The following TJP2 variants were observed in gnomAD, a reference collection of about 807,000 sequenced individuals.
TJP2 encodes Friedreich ataxia region gene X104 (tight junction protein ZO-2).
In TJP2, 91 loss-of-function variants were observed where a neutral mutation model predicts 133.1. That is an observed-to-expected ratio of 0.68 (90% CI 0.58 to 0.81). The LOEUF is 0.81. Among genes scored for constraint, TJP2 ranks in the 40% least tolerant of loss-of-function variants. The pLI, the probability that TJP2 is intolerant of heterozygous loss-of-function variation, is 0.00. For missense variants in TJP2, 1,541 were observed against 1,565.6 expected (o/e 0.98, Z 0.26); for synonymous variants, 592 against 583.4 (o/e 1.01, Z -0.21).
Position 69,254,804 on chromosome 9 carries a change from A to C in TJP2, c.*430A>C, listed in dbSNP as rs1302790750. On this transcript the variant is annotated 3_prime_UTR_variant, in exon 23 of 23. Transcript: ENST00000377245. ...GTTGGGCTCAAACTAAATTCAAAGA[A>C]GTACTTTATTGCAACTCTTTTAAGT... The C allele has an allele frequency of 6.3e-6, 3 of 475,168 alleles. No homozygotes were observed. Among genetic ancestry groups the C allele is most frequent in the Non-Finnish European group, 1.1e-5 (3 of 272,214 alleles). 29.4% of individuals were successfully genotyped at this position (475,168 alleles called of 1,614,324 possible).
chr9:69,206,114 T>C (rs918722392), intron 1 of TJP2, among the ~76,000 whole-genome samples: 2 of 152,226 alleles, frequency 1.3e-5, no homozygotes, highest in African/African-American at 4.8e-5. Flanking sequence ...CTTTTAACTT[T>C]CCATGAGGTC....
intron 1 of TJP2, among the ~76,000 whole-genome samples, chr9:69,200,121 C>G (rs1028593848): frequency 6.6e-6 from 1 of 152,174 alleles, no homozygotes; most frequent in Non-Finnish European, 1.5e-5. Context: ...AACGTGAAAT[C>G]CTGTGTGTGT....
intron 11 of TJP2, among the ~76,000 whole-genome samples, chr9:69,231,471 TTGTTAA>T (rs1829779967): frequency 3.3e-5 from 5 of 150,724 alleles, no homozygotes; most frequent in Admixed American, 2.7e-4. Context: ...TTTTTTTTTC[TTGTTAA>T]TGTTAGTAAA....
chr9:69,246,704 A>C lies in TJP2; in HGVS notation c.2581A>C (p.Asn861His), dbSNP rs762420929. The change falls in exon 18 of 23, where the codon AAT (asparagine) becomes CAT (histidine). Residue 861 changes from asparagine to histidine, a missense_variant. Transcript: ENST00000377245. Reference sequence around the variant, plus strand: ...TATTTCTATAGCTACAATCAACCTAAATTCAGCCAATGATAGCTGGTTTGG... The same window carrying C: ...TATTTCTATAGCTACAATCAACCTACATTCAGCCAATGATAGCTGGTTTGG... Reference protein sequence around the residue: ...AHLFTATINLNSANDSWFGSL... With the variant: ...AHLFTATINLHSANDSWFGSL... The C allele has an allele frequency of 6.2e-7, 1 of 1,614,090 alleles. No homozygotes were observed. The highest frequency in any genetic ancestry group is 1.1e-5 in the South Asian group (1 of 91,082).
intron 1 of TJP2, among the ~76,000 whole-genome samples, chr9:69,128,038 A>G (rs11145378): frequency 0.33 from 24,332 of 74,118 alleles, 10,462 homozygotes; most frequent in Non-Finnish European, 0.38. Flanking sequence ...TCGGCCTCCC[A>G]AAGTGCTAAG....
chr9:69,150,932 A>T (rs1823443439), intron 1 of TJP2, among the ~76,000 whole-genome samples: 1 of 152,220 alleles, frequency 6.6e-6, no homozygotes, highest in Non-Finnish European at 1.5e-5. Context: ...TGGCCATAAA[A>T]AGGAATGAAG....
chr9:69,198,735 A>G (rs2133107945), intron 1 of TJP2, among the ~76,000 whole-genome samples: 1 of 152,328 alleles, frequency 6.6e-6, no homozygotes, highest in Non-Finnish European at 1.5e-5. Context: ...GTGCATTGTG[A>G]AGGGAGGGTA....
rs769713599 is a variant in TJP2 at position 69,212,598 on chromosome 9, A to G, written c.111A>G (p.Gln37=). ...GGGAACAGTACACTGTGACCCTACA[A>G]AAGGTGAGTTCTGCACATTTCATAT... ...LIWEQYTVTL[Q]KDSKRGFGIA... Residue 37 remains glutamine, a synonymous_variant, in exon 2 of 23, where the codon CAA becomes CAG. Coordinates refer to ENST00000377245, the MANE Select transcript of TJP2 (RefSeq NM_004817.4). 3.4e-5 allele frequency: 54 copies of G among 1,610,554 alleles called. No homozygotes were observed. Among genetic ancestry groups the G allele is most frequent in the Non-Finnish European group, 4.2e-5 (50 of 1,176,968 alleles).
chr9:69,223,279 G>A (rs1238136416), intron 5 of TJP2, among the ~76,000 whole-genome samples: 1 of 124,494 alleles, frequency 8.0e-6, no homozygotes, highest in East Asian at 2.6e-4. Context: ...TGTGTTAGGA[G>A]GCTTCGTTTC....
intron 1 of TJP2, among the ~76,000 whole-genome samples, chr9:69,132,366 G>C (rs1479995378): frequency 6.6e-6 from 1 of 152,224 alleles, no homozygotes; most frequent in African/African-American, 2.4e-5. Flanking sequence ...ATAACAGTCA[G>C]GCTTGCTATG....
At position 69,254,568 on chromosome 9, in the gene TJP2, T is replaced by G. The variant is rs1198591874; in HGVS notation, c.*194T>G. On this transcript the variant is annotated 3_prime_UTR_variant, in exon 23 of 23. Transcript: ENST00000377245. ...GAACTGAGGGCTCTGTTTGTGGGACTGGGTTAGAGGAGTCTGTGGCTTTTT... is the reference window on the plus strand; with the variant it reads ...GAACTGAGGGCTCTGTTTGTGGGACGGGGTTAGAGGAGTCTGTGGCTTTTT... 4.3e-6 allele frequency: 3 copies of G among 699,552 alleles called. No individual in the cohort carries two copies. The highest frequency in any genetic ancestry group is 2.7e-5 in the East Asian group (1 of 36,928). 43.3% of individuals were successfully genotyped at this position (699,552 alleles called of 1,614,324 possible).
At chr9:69,181,896 G>A (rs539514906) in intron 1 of TJP2, among the ~76,000 whole-genome samples, 1 of 152,234 alleles carries the variant, frequency 6.6e-6, no homozygotes, top group South Asian at 2.1e-4. Flanking sequence ...ACGTGTGCTG[G>A]ATTCTCTTCC....
chr9:69,134,057 C>T (rs73447189), intron 1 of TJP2, among the ~76,000 whole-genome samples: 3 of 152,116 alleles, frequency 2.0e-5, no homozygotes, highest in South Asian at 2.1e-4. Flanking sequence ...CACTCACATC[C>T]GTATTACAGC....
chr9:69,254,439 C>T lies in TJP2; in HGVS notation c.*65C>T, dbSNP rs780244181. 36 of 1,601,208 alleles carry T rather than the reference C, an allele frequency of 2.2e-5. No individual in the cohort carries two copies. Among genetic ancestry groups the T allele is most frequent in the African/African-American group, 9.4e-5 (7 of 74,670 alleles). On this transcript the variant is annotated 3_prime_UTR_variant, in exon 23 of 23. Coordinates refer to ENST00000377245, the MANE Select transcript of TJP2 (RefSeq NM_004817.4). ...ATCAGACTAGCCACTCCTGCCAGGC[C>T]GCCGGGATGGTTCTTCTCCAGTTAG...
intron 1 of TJP2, among the ~76,000 whole-genome samples, chr9:69,150,112 T>G (rs1483937682): frequency 6.6e-6 from 1 of 151,944 alleles, no homozygotes; most frequent in Non-Finnish European, 1.5e-5. Flanking sequence ...ATTGTGCCAC[T>G]GCACTCCAGC....
intron 11 of TJP2, among the ~76,000 whole-genome samples, chr9:69,230,520 T>C (rs1266183372): frequency 1.3e-5 from 2 of 152,204 alleles, no homozygotes; most frequent in Admixed American, 6.5e-5. Flanking sequence ...AGTAAGCACT[T>C]ACAGGAAAGA....
intron 1 of TJP2, among the ~76,000 whole-genome samples, chr9:69,176,499 T>C (rs924671634): frequency 6.6e-6 from 1 of 152,214 alleles, no homozygotes; most frequent in Non-Finnish European, 1.5e-5. Context: ...ATAACGAAGC[T>C]TTGGGTGGGG....
intron 1 of TJP2, among the ~76,000 whole-genome samples, chr9:69,148,237 AT>A (rs1160855127): frequency 8.3e-5 from 8 of 96,104 alleles, no homozygotes; most frequent in South Asian, 3.2e-4. Context: ...TCTTTTTTAT[AT>A]TTTTTTTAAT....
intron 1 of TJP2, among the ~76,000 whole-genome samples, chr9:69,185,700 G>A (rs1825810459): frequency 6.6e-6 from 1 of 151,954 alleles, no homozygotes; most frequent in African/African-American, 2.4e-5. Context: ...CTGATAGATG[G>A]GGTTACTTTT....
Sources: allele counts gnomAD v4.1 joint callset (sites outside exome capture counted in the v4.1 genomes callset), GRCh38; gene constraint gnomAD v4.1.1; transcripts MANE v1.5; gene names NCBI Gene and HGNC (gene_info 2026-07-23, HGNC 2026-07-21).